Variants in OSTN observed in about 807,000 individuals in gnomAD.
OSTN encodes osteocrin.
In OSTN, 9 loss-of-function variants were observed where a neutral mutation model predicts 12.0. The observed-to-expected ratio is 0.75, with a 90% CI of 0.45 to 1.30. OSTN has a LOEUF of 1.30. OSTN is among the 50% of genes most tolerant of loss of function. The probability of loss-of-function intolerance (pLI) is 0.00; values close to 1 mark genes in which losing one functional copy is unlikely to be tolerated. For synonymous variants in OSTN, 59 were observed against 56.9 expected (o/e 1.04, Z -0.16); for missense variants, 148 against 152.3 (o/e 0.97, Z 0.15).
chr3:191,211,275 T>G (rs1199675663), intron 1 of OSTN, among the ~76,000 whole-genome samples: 1 of 152,236 alleles, frequency 6.6e-6, no homozygotes, highest in Non-Finnish European at 1.5e-5. Context: ...ACAAAACTGT[T>G]TTTTTGAAAT....
At chr3:191,261,501 T>C (rs935661949) in intron 4 of OSTN, among the ~76,000 whole-genome samples, 5 of 152,170 alleles carry the variant, frequency 3.3e-5, no homozygotes, top group Non-Finnish European at 5.9e-5. Context: ...AAATGTTTCT[T>C]TTCAGACCTC....
intron 4 of OSTN, among the ~76,000 whole-genome samples, chr3:191,257,542 G>A (rs1315761310): frequency 6.6e-6 from 1 of 152,064 alleles, no homozygotes; most frequent in African/African-American, 2.4e-5. Context: ...AGGAAAGATG[G>A]ACCAGGTGTT....
chr3:191,213,300 G>T (rs1714514227), intron 2 of OSTN: 1 of 152,092 alleles, frequency 6.6e-6, no homozygotes, highest in Non-Finnish European at 1.5e-5. Context: ...GTTTTTTATT[G>T]TCTTCTTTTT....
chr3:191,250,528 A>G (rs994404428), intron 4 of OSTN, among the ~76,000 whole-genome samples: 1 of 152,228 alleles, frequency 6.6e-6, no homozygotes, highest in African/African-American at 2.4e-5. Flanking sequence ...TTTGTTGTCA[A>G]TAAGTACGTT....
intron 1 of OSTN, among the ~76,000 whole-genome samples, chr3:191,203,209 T>TTGAATG (rs1470419062): frequency 6.6e-6 from 1 of 152,208 alleles, no homozygotes; most frequent in African/African-American, 2.4e-5. Context: ...ACCTTCCACA[T>TTGAATG]AAGGCTGCTC....
At chr3:191,259,518 A>T (rs1432374395) in intron 4 of OSTN, among the ~76,000 whole-genome samples, 1 of 151,522 alleles carries the variant, frequency 6.6e-6, no homozygotes, top group African/African-American at 2.4e-5. Context: ...TTTAACCAAA[A>T]TACACTCCCT....
intron 1 of OSTN, among the ~76,000 whole-genome samples, chr3:191,207,476 T>C (rs1412875441): frequency 6.6e-6 from 1 of 152,166 alleles, no homozygotes; most frequent in Admixed American, 6.5e-5. Flanking sequence ...AGATACTGGC[T>C]TACATTGCTT....
At chr3:191,211,480 A>T (rs1226569729) in intron 1 of OSTN, among the ~76,000 whole-genome samples, 5 of 152,204 alleles carry the variant, frequency 3.3e-5, no homozygotes, top group African/African-American at 1.2e-4. Flanking sequence ...TACATGTTGC[A>T]TATAAACATT....
chr3:191,202,152 A>G (rs1427479233), intron 1 of OSTN, among the ~76,000 whole-genome samples: 1 of 152,248 alleles, frequency 6.6e-6, no homozygotes, highest in African/African-American at 2.4e-5. Context: ...AGCTTGTCTC[A>G]GTTCACAGAT....
chr3:191,238,594 A>G (rs1424325759), intron 3 of OSTN, among the ~76,000 whole-genome samples: 1 of 152,228 alleles, frequency 6.6e-6, no homozygotes, highest in Admixed American at 6.5e-5. Flanking sequence ...AAAGGAAGGC[A>G]GTAGTATTGA....
intron 3 of OSTN, among the ~76,000 whole-genome samples, chr3:191,245,447 G>C (rs1489195430): frequency 6.6e-6 from 1 of 152,114 alleles, no homozygotes. Context: ...TAGAATAAAA[G>C]ACTTGCAGAG....
In OSTN at chr3:191,250,513, A is replaced by G. The variant is rs140548943; in HGVS notation, c.*12+380A>G. 4.6e-5 allele frequency among the ~76,000 whole-genome samples: 7 copies of G among 152,342 alleles called. No individual in the cohort carries two copies. In the East Asian group the frequency reaches 7.7e-4, roughly 17 times the overall value. Reference sequence around the variant, plus strand: ...AAGAAGACACATTCAAGTGATACACATCATTTTGTTGTCAATAAGTACGTT... The same window carrying G: ...AAGAAGACACATTCAAGTGATACACGTCATTTTGTTGTCAATAAGTACGTT... On this transcript the variant is annotated intron_variant, in intron 4 of 4. Transcript: ENST00000682035.
chr3:191,212,474 GT>G, intron 1 of OSTN, 58 bp from the exon 2 acceptor site: 19 of 1,194,998 alleles, frequency 1.6e-5, no homozygotes, highest in Non-Finnish European at 2.2e-5. Flanking sequence ...AGGAACTTCT[GT>G]TTTTTGTCTT....
intron 2 of OSTN, among the ~76,000 whole-genome samples, chr3:191,217,836 T>C (rs998045058): frequency 1.1e-4 from 17 of 152,116 alleles, no homozygotes; most frequent in African/African-American, 4.1e-4. Context: ...GTATCCTTCA[T>C]GTCCAATGCA....
chr3:191,264,482 T>C lies in OSTN; in HGVS notation c.*1629T>C, dbSNP rs920533549. The C allele has an allele frequency of 2.0e-5, 3 of 152,170 alleles. No homozygotes were observed. Among genetic ancestry groups the C allele is most frequent in the African/African-American group, 7.2e-5 (3 of 41,466 alleles). 9.4% of individuals were successfully genotyped at this position (152,170 alleles called of 1,614,324 possible). On this transcript the variant is annotated 3_prime_UTR_variant, in exon 5 of 5. Coordinates refer to ENST00000682035, the MANE Select transcript of OSTN (RefSeq NM_198184.2). Reference sequence around the variant, plus strand: ...AATTTAGGAAAAATAGTAAATAATTTTTTTTCATTGTAGTAGAGGGCTGTA... The same window carrying C: ...AATTTAGGAAAAATAGTAAATAATTCTTTTTCATTGTAGTAGAGGGCTGTA...
At chr3:191,226,787 G>A (rs1352169743) in intron 3 of OSTN, among the ~76,000 whole-genome samples, 6 of 152,124 alleles carry the variant, frequency 3.9e-5, no homozygotes, top group African/African-American at 7.2e-5. Flanking sequence ...AAAGAATATA[G>A]TTTGAATAAG....
At chr3:191,235,705 G>A (rs1576933401) in intron 3 of OSTN, among the ~76,000 whole-genome samples, 1 of 152,176 alleles carries the variant, frequency 6.6e-6, no homozygotes, top group Non-Finnish European at 1.5e-5. Flanking sequence ...ATCCTGATGA[G>A]TTTGCTTCCC....
intron 2 of OSTN, among the ~76,000 whole-genome samples, chr3:191,218,473 A>C (rs1386713299): frequency 6.6e-6 from 1 of 152,066 alleles, no homozygotes; most frequent in Non-Finnish European, 1.5e-5. Context: ...AATACAAAAA[A>C]TTGGCCAGGC....
At position 191,232,753 on chromosome 3, in the gene OSTN, T is replaced by A. The variant is rs550125004; in HGVS notation, c.317+13792T>A. On this transcript the variant is annotated intron_variant, in intron 3 of 4. Transcript: ENST00000682035. ...GTAGCTGGGATTATAGGCATGGGATTATAGGTGCCTGCCACCACACCTGGC... is the reference window on the plus strand; with the variant it reads ...GTAGCTGGGATTATAGGCATGGGATAATAGGTGCCTGCCACCACACCTGGC... Among the ~76,000 whole-genome samples, 62 of 151,760 alleles carry A rather than the reference T, an allele frequency of 4.1e-4. No individual in the cohort carries two copies. In the South Asian group the frequency reaches 0.012, roughly 30 times the overall value.
Sources: gnomAD v4.1 joint callset for allele counts (sites outside exome capture counted in the v4.1 genomes callset) on GRCh38, gnomAD v4.1.1 for gene constraint, MANE v1.5 for transcripts, NCBI Gene and HGNC (gene_info 2026-07-23, HGNC 2026-07-21) for gene names.